Variants in KCNC1 observed in about 807,000 individuals in gnomAD.
KCNC1 encodes voltage-gated potassium channel KCNC1.
Under a neutral mutation model 43.4 loss-of-function variants are expected in KCNC1, and 8 were observed. That is an observed-to-expected ratio of 0.18 (90% confidence interval 0.11 to 0.33). The LOEUF is 0.33. Among genes scored for constraint, KCNC1 ranks in the 10% least tolerant of loss-of-function variants. The pLI is 1.00. For synonymous variants in KCNC1, 361 were observed against 360.5 expected (o/e 1.00, Z -0.01); for missense variants, 420 against 836.0 (o/e 0.50, Z 6.14).
At chr11:17,759,879 T>C (rs1414902507) in intron 1 of KCNC1, among the ~76,000 whole-genome samples, 1 of 151,900 alleles carries the variant, frequency 6.6e-6, no homozygotes, top group East Asian at 1.9e-4. Flanking sequence ...AGACAAAAAG[T>C]GAGCATATGC....
At chr11:17,760,244 C>T (rs1414808356) in intron 1 of KCNC1, among the ~76,000 whole-genome samples, 1 of 152,170 alleles carries the variant, frequency 6.6e-6, no homozygotes, top group Non-Finnish European at 1.5e-5. Flanking sequence ...CCCTGGCAGT[C>T]AGAGCAAAAG....
At chr11:17,746,939 C>T (rs1848905961) in intron 1 of KCNC1, among the ~76,000 whole-genome samples, 1 of 152,150 alleles carries the variant, frequency 6.6e-6, no homozygotes, top group Non-Finnish European at 1.5e-5. Context: ...TGGGAGGATC[C>T]AATGTGTTAA....
At position 17,776,013 on chromosome 11, in the gene KCNC1, G is replaced by A; in HGVS notation, c.1504+3415G>A. The A allele has an allele frequency of 1.0e-6, 1 of 985,456 alleles. No individual in the cohort carries two copies. Among genetic ancestry groups the A allele is most frequent in the Non-Finnish European group, 1.2e-6 (1 of 829,968 alleles). The allele number at this position is 985,456 out of a possible 1,614,324, so 61.0% of individuals were successfully genotyped here. A position where few individuals can be genotyped will look rare whatever the true frequency, so the allele number is the denominator to read the frequency against. On this transcript the variant is annotated intron_variant, in intron 2 of 3. Coordinates refer to ENST00000265969, the MANE Select transcript of KCNC1 (RefSeq NM_001112741.2). This position sits in a 1 kb window ranked among gnomAD's most constrained non-coding sequence, Gnocchi z 4.4. ...GGAGGGAGCTGGGCAGCGCTGACTA[G>A]GCGGCGGGTGGGGCTAAGAGAGTTT...
chr11:17,776,335 G>A lies in KCNC1; in HGVS notation c.1505-3121G>A. The A allele has an allele frequency of 1.0e-6, 1 of 985,194 alleles. No homozygotes were observed. The highest frequency in any genetic ancestry group is 1.2e-6 in the Non-Finnish European group (1 of 829,894). The allele number at this position is 985,194 out of a possible 1,614,324, so 61.0% of individuals were successfully genotyped here. On this transcript the variant is annotated intron_variant, in intron 2 of 3. Coordinates refer to ENST00000265969, the MANE Select transcript of KCNC1 (RefSeq NM_001112741.2). The surrounding 1 kb of genome is among the most constrained non-coding windows in gnomAD (Gnocchi z 4.4). ...AGACTTTTTTCCTGAGTCCCCAGCT[G>A]GGCAGATCCCTCAGGGCTAAACCCA... is the stretch of plus-strand genomic sequence containing the variant.
At chr11:17,769,382 G>A (rs566863724) in intron 1 of KCNC1, among the ~76,000 whole-genome samples, 3 of 151,704 alleles carry the variant, frequency 2.0e-5, no homozygotes, top group South Asian at 4.2e-4. Flanking sequence ...AAGGAGGGAA[G>A]GGAAGATGAA....
intron 1 of KCNC1, among the ~76,000 whole-genome samples, chr11:17,750,820 C>A (rs16934703): frequency 6.6e-6 from 1 of 152,092 alleles, no homozygotes; most frequent in African/African-American, 2.4e-5. Flanking sequence ...GAGCCTTTCC[C>A]GACACCCTCT....
chr11:17,750,452 G>A (rs1016207169), intron 1 of KCNC1, among the ~76,000 whole-genome samples: 3 of 152,136 alleles, frequency 2.0e-5, no homozygotes, highest in Non-Finnish European at 4.4e-5. Flanking sequence ...GGCAGGAATC[G>A]TGTCTCCCGA....
At position 17,781,339 on chromosome 11, in the gene KCNC1, C is replaced by T. The variant is rs2133811454; in HGVS notation, c.1694-331C>T. On this transcript the variant is annotated intron_variant, in intron 3 of 3. Transcript: ENST00000265969. The surrounding 1 kb of genome is among the most constrained non-coding windows in gnomAD (Gnocchi z 5.1). Reference sequence around the variant, plus strand: ...AGGCGCTAAGGGTGAAGTGTCCCCACCTACATCCATTCGGCCCGCGCTCTC... The same window carrying T: ...AGGCGCTAAGGGTGAAGTGTCCCCATCTACATCCATTCGGCCCGCGCTCTC... 6.7e-6 allele frequency: 2 copies of T among 296,594 alleles called. No homozygotes were observed. Among genetic ancestry groups the T allele is most frequent in the African/African-American group, 2.2e-5 (1 of 46,018 alleles). 18.4% of individuals were successfully genotyped at this position (296,594 alleles called of 1,614,324 possible). A position where few individuals can be genotyped will look rare whatever the true frequency, so the allele number is the denominator to read the frequency against.
In KCNC1 at chr11:17,777,383, A is replaced by G; in HGVS notation, c.1505-2073A>G. Reference sequence around the variant, plus strand: ...AAGGAGACGCTGCCTGGGAGGACCCACTGTTCTCCCCTTGAGGAAAATCCA... The same window carrying G: ...AAGGAGACGCTGCCTGGGAGGACCCGCTGTTCTCCCCTTGAGGAAAATCCA... On this transcript the variant is annotated intron_variant, in intron 2 of 3. Transcript: ENST00000265969. The surrounding 1 kb of genome is among the most constrained non-coding windows in gnomAD (Gnocchi z 4.3). The G allele has an allele frequency of 1.0e-6, 1 of 985,636 alleles. No individual in the cohort carries two copies. The highest frequency in any genetic ancestry group is 4.7e-5 in the South Asian group (1 of 21,268). 61.1% of individuals were successfully genotyped at this position (985,636 alleles called of 1,614,324 possible).
intron 1 of KCNC1, among the ~76,000 whole-genome samples, chr11:17,762,200 G>A (rs937796837): frequency 4.6e-5 from 7 of 152,178 alleles, no homozygotes; most frequent in East Asian, 3.9e-4. Flanking sequence ...CACTGCATGG[G>A]CTGAGTGTGG....
Position 17,760,323 on chromosome 11 carries a change from C to G in KCNC1, c.571-11342C>G, listed in dbSNP as rs149476413. On this transcript the variant is annotated intron_variant, in intron 1 of 3. Transcript: ENST00000265969. ...ATGTAGACAGGCGTACTAGGAGACACCTGCTTGTTCTAAGCCCTGAAACAC... is the reference window on the plus strand; with the variant it reads ...ATGTAGACAGGCGTACTAGGAGACAGCTGCTTGTTCTAAGCCCTGAAACAC... Among the ~76,000 whole-genome samples, 5 of 152,260 alleles carry G rather than the reference C, an allele frequency of 3.3e-5. No individual in the cohort carries two copies. The East Asian group carries it at 9.7e-4, about 29-fold the overall frequency.
At position 17,777,832 on chromosome 11, in the gene KCNC1, T is replaced by C. The variant is rs1849302823; in HGVS notation, c.1505-1624T>C. On this transcript the variant is annotated intron_variant, in intron 2 of 3. Coordinates refer to ENST00000265969, the MANE Select transcript of KCNC1 (RefSeq NM_001112741.2). This position sits in a 1 kb window ranked among gnomAD's most constrained non-coding sequence, Gnocchi z 4.3. Reference sequence around the variant, plus strand: ...CTGATTGGTCCATTTCTCTTTTGACTGACTGCCTCTTTGTAGTGACATGAT... The same window carrying C: ...CTGATTGGTCCATTTCTCTTTTGACCGACTGCCTCTTTGTAGTGACATGAT... 1.0e-6 allele frequency: 1 copy of C among 986,512 alleles called. No homozygotes were observed. The highest frequency in any genetic ancestry group is 1.7e-5 in the African/African-American group (1 of 57,378). 61.1% of individuals were successfully genotyped at this position (986,512 alleles called of 1,614,324 possible). A position where few individuals can be genotyped will look rare whatever the true frequency, so the allele number is the denominator to read the frequency against.
At chr11:17,758,731 TG>T (rs1849046388) in intron 1 of KCNC1, among the ~76,000 whole-genome samples, 1 of 152,252 alleles carries the variant, frequency 6.6e-6, no homozygotes, top group Non-Finnish European at 1.5e-5. Context: ...TCATTTTTTC[TG>T]AGCAGTAGGT....
At chr11:17,768,618 G>A (rs930842802) in intron 1 of KCNC1, among the ~76,000 whole-genome samples, 1 of 151,868 alleles carries the variant, frequency 6.6e-6, no homozygotes, top group African/African-American at 2.4e-5. Context: ...TTGGTGGGGG[G>A]GGGGGCGGTT....
intron 2 of KCNC1, among the ~76,000 whole-genome samples, chr11:17,778,103 G>A (rs914346304): frequency 1.3e-5 from 2 of 152,180 alleles, no homozygotes; most frequent in African/African-American, 4.8e-5. Context: ...CCTAGATGAA[G>A]TATTGGAGTT....
rs1172960886 is a variant in KCNC1 at position 17,779,707 on chromosome 11, TG to T, written c.1693+66del. On this transcript the variant is annotated intron_variant, in intron 3 of 3. Transcript: ENST00000265969. The surrounding 1 kb of genome is among the most constrained non-coding windows in gnomAD (Gnocchi z 7.2). Reference sequence around the variant, plus strand: ...GCCGCCTCGCGCTCCTGCAGATGGGTGGGCAGGGCGGCGGGCAAGGGCGCTG... The same window carrying T: ...GCCGCCTCGCGCTCCTGCAGATGGGTGGCAGGGCGGCGGGCAAGGGCGCTG... 1 of 1,331,260 alleles carries T rather than the reference TG, an allele frequency of 7.5e-7. No homozygotes were observed. Among genetic ancestry groups the T allele is most frequent in the Non-Finnish European group, 9.8e-7 (1 of 1,017,476 alleles). 82.5% of individuals were successfully genotyped at this position (1,331,260 alleles called of 1,614,324 possible). A position where few individuals can be genotyped will look rare whatever the true frequency, so the allele number is the denominator to read the frequency against.
intron 1 of KCNC1, among the ~76,000 whole-genome samples, chr11:17,740,605 C>T (rs1007236069): frequency 1.3e-5 from 2 of 152,128 alleles, no homozygotes; most frequent in African/African-American, 4.8e-5. Flanking sequence ...CCCATCAGGG[C>T]CAATGGTGGT....
chr11:17,735,848 C>A lies in KCNC1; in HGVS notation c.-155C>A. Reference sequence around the variant, plus strand: ...AAAGCGCCCGGAGAGGCTTGGCTCGCTCGTTGGGGTGGCCAGAGCCGCAGG... The same window carrying A: ...AAAGCGCCCGGAGAGGCTTGGCTCGATCGTTGGGGTGGCCAGAGCCGCAGG... On this transcript the variant is annotated 5_prime_UTR_variant, in exon 1 of 4. Coordinates refer to ENST00000265969, the MANE Select transcript of KCNC1 (RefSeq NM_001112741.2). This position sits in a 1 kb window ranked among gnomAD's most constrained non-coding sequence, Gnocchi z 6.7. The A allele has an allele frequency of 1.2e-6, 1 of 839,518 alleles. No individual in the cohort carries two copies. The highest frequency in any genetic ancestry group is 1.7e-6 in the Non-Finnish European group (1 of 590,818). 52.0% of individuals were successfully genotyped at this position (839,518 alleles called of 1,614,324 possible). A position where few individuals can be genotyped will look rare whatever the true frequency, so the allele number is the denominator to read the frequency against.
chr11:17,752,570 G>A (rs1367303494), intron 1 of KCNC1, among the ~76,000 whole-genome samples: 1 of 152,240 alleles, frequency 6.6e-6, no homozygotes, highest in Non-Finnish European at 1.5e-5. Flanking sequence ...TTGCACCAAT[G>A]CAAAGCTTTA....
Sources: gnomAD v4.1 joint callset for allele counts (sites outside exome capture counted in the v4.1 genomes callset) on GRCh38, gnomAD v4.1.1 for gene constraint, Gnocchi (gnomAD v3.1) non-coding constraint, MANE v1.5 for transcripts, NCBI Gene and HGNC (gene_info 2026-07-23, HGNC 2026-07-21) for gene names.